The following TLCD4 variants were observed in gnomAD, a reference collection of about 807,000 sequenced individuals.
The protein encoded by TLCD4 is TLC domain containing 4.
A neutral mutation model predicts 24.2 loss-of-function variants in TLCD4; 7 were observed. That is an observed-to-expected ratio of 0.29 (90% CI 0.16 to 0.54). The LOEUF (loss-of-function observed/expected upper bound fraction) is 0.54. Ranked by LOEUF, TLCD4 falls within the 20% of genes least tolerant of loss-of-function variation. The probability of loss-of-function intolerance (pLI) is 0.95; values close to 1 mark genes in which losing one functional copy is unlikely to be tolerated. For synonymous variants in TLCD4, 103 were observed against 106.4 expected (o/e 0.97, Z 0.20); for missense variants, 259 against 313.9 (o/e 0.82, Z 1.32).
chr1:95,139,455 A>ATTTTTTTTGTTTTTTTTTTTTT (rs1677139046), intron 1 of TLCD4, among the ~76,000 whole-genome samples: 1 of 93,992 alleles, frequency 1.1e-5, no homozygotes, highest in Non-Finnish European at 2.0e-5. Context: ...TAAACCTTTG[A>ATTTTTTTTGTTTTTTTTTTTTT]TTTTTTTTTT....
chr1:95,101,322 T>C, the TLCD4 span, among the ~76,000 whole-genome samples: 1 of 152,018 alleles, frequency 6.6e-6, no homozygotes, highest in Admixed American at 6.6e-5. Flanking sequence ...GGCGTGATCA[T>C]AGCTCACTGC....
At chr1:95,122,289 G>A (rs1348137553) in intron 1 of TLCD4, among the ~76,000 whole-genome samples, 2 of 152,230 alleles carry the variant, frequency 1.3e-5, no homozygotes. Context: ...GAACCTGGGG[G>A]CAGAGGTTGT....
chr1:95,167,377 A>T (rs1678053342), intron 5 of TLCD4, among the ~76,000 whole-genome samples: 1 of 152,162 alleles, frequency 6.6e-6, no homozygotes, highest in Non-Finnish European at 1.5e-5. Context: ...AAGTTTTAAA[A>T]AGTTTGCCAA....
At chr1:95,099,521 A>G in the TLCD4 span, among the ~76,000 whole-genome samples, 1 of 152,144 alleles carries the variant, frequency 6.6e-6, no homozygotes, top group Non-Finnish European at 1.5e-5. Flanking sequence ...TTAAGTCCTC[A>G]TTTCCTCTGC....
At chr1:95,096,287 C>T in the TLCD4 span, among the ~76,000 whole-genome samples, 1 of 152,166 alleles carries the variant, frequency 6.6e-6, no homozygotes, top group African/African-American at 2.4e-5. Context: ...TGGAACATAA[C>T]CTTTGTATTG....
At chr1:95,097,486 C>T in the TLCD4 span, among the ~76,000 whole-genome samples, 1 of 152,192 alleles carries the variant, frequency 6.6e-6, no homozygotes, top group Non-Finnish European at 1.5e-5. Context: ...CAGTGAGATA[C>T]TGGTTTGTAT....
At chr1:95,133,678 T>G (rs1288516050) in intron 1 of TLCD4, among the ~76,000 whole-genome samples, 1 of 152,030 alleles carries the variant, frequency 6.6e-6, no homozygotes, top group East Asian at 1.9e-4. Context: ...AGGGACAATT[T>G]GGGAATTTTA....
chr1:95,188,277 A>G (rs967610681), intron 6 of TLCD4, among the ~76,000 whole-genome samples: 6 of 150,734 alleles, frequency 4.0e-5, no homozygotes, highest in African/African-American at 1.5e-4. Flanking sequence ...AGTCCCAGCT[A>G]CTCGGGAGGC....
At chr1:95,133,594 T>G (rs1676961524) in intron 1 of TLCD4, among the ~76,000 whole-genome samples, 1 of 152,170 alleles carries the variant, frequency 6.6e-6, no homozygotes, top group Non-Finnish European at 1.5e-5. Flanking sequence ...ATATGTTGGC[T>G]TCTACTTTTT....
chr1:95,146,313 CTTAA>C (rs2100940504), intron 2 of TLCD4, among the ~76,000 whole-genome samples: 1 of 152,138 alleles, frequency 6.6e-6, no homozygotes, highest in African/African-American at 2.4e-5. Flanking sequence ...AAAAAATTTT[CTTAA>C]TTACTTATAT....
rs1679237518 is a variant in TLCD4 at position 95,197,452 on chromosome 1, A to G, written c.*5584A>G. On this transcript the variant is annotated 3_prime_UTR_variant, in exon 7 of 7. Coordinates refer to ENST00000370203, the MANE Select transcript of TLCD4 (RefSeq NM_152487.3). ...TCCTGAAATTTTTAGTTAACATTTCAAGAATGATAAAATGAACACCCTGTA... is the reference window on the plus strand; with the variant it reads ...TCCTGAAATTTTTAGTTAACATTTCGAGAATGATAAAATGAACACCCTGTA... 6.6e-6 allele frequency: 1 copy of G among 152,200 alleles called. No individual in the cohort carries two copies. The highest frequency in any genetic ancestry group is 1.5e-5 in the Non-Finnish European group (1 of 68,024). 9.4% of individuals were successfully genotyped at this position (152,200 alleles called of 1,614,324 possible). A position where few individuals can be genotyped will look rare whatever the true frequency, so the allele number is the denominator to read the frequency against.
chr1:95,182,806 A>G (rs577483395), intron 6 of TLCD4, among the ~76,000 whole-genome samples: 2 of 152,334 alleles, frequency 1.3e-5, no homozygotes, highest in South Asian at 4.1e-4. Context: ...AGAACGTGGC[A>G]TACACTCTTA....
chr1:95,162,651 T>C (rs1327903220), intron 5 of TLCD4, among the ~76,000 whole-genome samples: 1 of 151,440 alleles, frequency 6.6e-6, no homozygotes, highest in African/African-American at 2.4e-5. Context: ...GGTTGTTCCT[T>C]TCCATGTTTA....
chr1:95,173,917 T>C (rs758051023), intron 6 of TLCD4, 28 bp downstream of exon 6: 1 of 1,613,418 alleles, frequency 6.2e-7, no homozygotes, highest in South Asian at 1.1e-5. Flanking sequence ...TTGATTATTT[T>C]AAAGTCATGC....
At chr1:95,172,123 T>C (rs1050504644) in intron 5 of TLCD4, among the ~76,000 whole-genome samples, 12 of 152,186 alleles carry the variant, frequency 7.9e-5, no homozygotes, top group African/African-American at 2.9e-4. Context: ...GATCTTGGAC[T>C]TCTAGCTTCC....
At position 95,195,614 on chromosome 1, in the gene TLCD4, T is replaced by A. The variant is rs1174213989; in HGVS notation, c.*3746T>A. 1.3e-5 allele frequency: 2 copies of A among 152,184 alleles called. No individual in the cohort carries two copies. The highest frequency in any genetic ancestry group is 1.3e-4 in the Admixed American group (2 of 15,280). The allele number at this position is 152,184 out of a possible 1,614,324, so 9.4% of individuals were successfully genotyped here. A position where few individuals can be genotyped will look rare whatever the true frequency, so the allele number is the denominator to read the frequency against. ...CAAGAGTAGCACAGTGTTTCTCAGG[T>A]GCGAGCCAGCATACAGCGAGACCCT... On this transcript the variant is annotated 3_prime_UTR_variant, in exon 7 of 7. Coordinates refer to ENST00000370203, the MANE Select transcript of TLCD4 (RefSeq NM_152487.3).
chr1:95,165,977 G>A (rs1678006244), intron 5 of TLCD4, among the ~76,000 whole-genome samples: 1 of 152,248 alleles, frequency 6.6e-6, no homozygotes, highest in Admixed American at 6.5e-5. Context: ...AATGATACTG[G>A]GAAAGAAAAT....
intron 1 of TLCD4, among the ~76,000 whole-genome samples, chr1:95,133,453 G>C (rs1157890434): frequency 2.0e-5 from 3 of 152,082 alleles, no homozygotes; most frequent in African/African-American, 7.2e-5. Context: ...TGGAGCAAAA[G>C]ATTCCCAAGA....
At chr1:95,188,463 G>A (rs531317621) in intron 6 of TLCD4, among the ~76,000 whole-genome samples, 10 of 151,692 alleles carry the variant, frequency 6.6e-5, no homozygotes, top group Admixed American at 2.0e-4. Context: ...CCACACTTGA[G>A]GACTAGGGGT....
Sources: gnomAD v4.1 joint callset for allele counts (sites outside exome capture counted in the v4.1 genomes callset) on GRCh38, gnomAD v4.1.1 for gene constraint, MANE v1.5 for transcripts, NCBI Gene and HGNC (gene_info 2026-07-23, HGNC 2026-07-21) for gene names.